SSH1: variants seen among roughly 807,000 people sequenced by gnomAD.
SSH1 encodes the protein protein phosphatase Slingshot homolog 1.
Under a neutral mutation model 79.7 loss-of-function variants are expected in SSH1, and 43 were observed. The ratio of observed to expected loss-of-function variants is 0.54; its 90% CI spans 0.42 to 0.70. The LOEUF is 0.70. SSH1 is among the 30% of genes least tolerant of loss of function. SSH1 has a pLI of 0.00. For synonymous variants in SSH1, 599 were observed against 538.3 expected (o/e 1.11, Z -1.56); for missense variants, 1,206 against 1,358.8 (o/e 0.89, Z 1.77).
In SSH1 at chr12:108,852,664, G is replaced by A. The variant is rs772675001; in HGVS notation, c.84C>T (p.Ser28=). The change falls in exon 2 of 15, where the codon AGC becomes AGT. Residue 28 remains serine (S), a synonymous_variant. Transcript: ENST00000326495. ...TGAGGTTTAATTTTCGATCTTCTTC[G>A]CTGCCAGCCTCCAACTACAGAGAAA... ...SASNSELEAG[S]EEDRKLNLSL... The A allele has an allele frequency of 1.4e-5, 22 of 1,613,958 alleles. No homozygotes were observed. Among genetic ancestry groups the A allele is most frequent in the South Asian group, 9.9e-5 (9 of 91,084 alleles).
intron 13 of SSH1, among the ~76,000 whole-genome samples, chr12:108,795,101 T>G (rs1273129369): frequency 1.3e-5 from 2 of 152,164 alleles, no homozygotes; most frequent in African/African-American, 4.8e-5. Flanking sequence ...CAAAATTATC[T>G]TCAGAGAAAG....
chr12:108,854,612 CATT>C (rs2039107933), intron 1 of SSH1, among the ~76,000 whole-genome samples: 1 of 152,192 alleles, frequency 6.6e-6, no homozygotes, highest in Non-Finnish European at 1.5e-5. Context: ...GTGTCTGACT[CATT>C]ATGAAGTTGC....
intron 3 of SSH1, among the ~76,000 whole-genome samples, chr12:108,819,635 T>C (rs2038040913): frequency 6.6e-6 from 1 of 151,900 alleles, no homozygotes; most frequent in African/African-American, 2.4e-5. Context: ...TCAAGACCAG[T>C]CTGGGCAACA....
chr12:108,810,750 G>T (rs1319980352), intron 6 of SSH1, among the ~76,000 whole-genome samples: 1 of 152,362 alleles, frequency 6.6e-6, no homozygotes, highest in East Asian at 1.9e-4. Context: ...AACGCGTGCG[G>T]ACGCTAGACG....
In SSH1 at chr12:108,787,152, A is replaced by G. The variant is rs2036300165; in HGVS notation, c.*836T>C. The G allele has an allele frequency of 6.6e-6, 1 of 152,164 alleles. No homozygotes were observed. The highest frequency in any genetic ancestry group is 2.1e-4 in the South Asian group (1 of 4,822). The allele number at this position is 152,164 out of a possible 1,614,324, so 9.4% of individuals were successfully genotyped here. ...GACACTTGAGCAATTTCAAACCTAA[A>G]CACAATCATGTGTTTCAGCAGCAGA... On this transcript the variant is annotated 3_prime_UTR_variant, in exon 15 of 15. Coordinates refer to ENST00000326495, the MANE Select transcript of SSH1 (RefSeq NM_018984.4).
intron 6 of SSH1, 46 bp downstream of exon 6, chr12:108,811,214 T>C (rs749497731): frequency 2.5e-6 from 4 of 1,575,038 alleles, no homozygotes; most frequent in South Asian, 2.2e-5. Context: ...GTGTTTTCAA[T>C]GCCTACTACA....
intron 2 of SSH1, among the ~76,000 whole-genome samples, chr12:108,835,836 ATAAT>A (rs1593114047): frequency 6.9e-6 from 1 of 145,868 alleles, no homozygotes; most frequent in Admixed American, 6.9e-5. Flanking sequence ...ATTAATATTT[ATAAT>A]TAATATATTT....
chr12:108,853,954 CT>C (rs1819455421), intron 1 of SSH1, among the ~76,000 whole-genome samples: 1 of 151,272 alleles, frequency 6.6e-6, no homozygotes, highest in Non-Finnish European at 1.5e-5. Flanking sequence ...ACCAGAGGGC[CT>C]GGGAGTCCCT....
chr12:108,802,239 C>T, intron 11 of SSH1, 83 bp downstream of exon 11: 2 of 1,337,620 alleles, frequency 1.5e-6, no homozygotes, highest in Non-Finnish European at 2.1e-6. Context: ...GGCAGGCAGC[C>T]CCAAGGTCTC....
chr12:108,811,754 G>A (rs778662517), intron 5 of SSH1: 35 of 269,932 alleles, frequency 1.3e-4, no homozygotes, highest in Non-Finnish European at 2.0e-4. Context: ...TGCGCCTTTA[G>A]TGTGGCTGCG....
chr12:108,806,252 T>C (rs1217107286), intron 9 of SSH1, 49 bp downstream of exon 9: 6 of 1,540,586 alleles, frequency 3.9e-6, no homozygotes, highest in South Asian at 1.1e-5. Context: ...GCAGGACACA[T>C]GGAGGCTGCA....
chr12:108,792,501 C>T lies in SSH1; in HGVS notation c.1678G>A (p.Gly560Ser). 1 of 1,614,220 alleles carries T rather than the reference C, an allele frequency of 6.2e-7. No homozygotes were observed. Among genetic ancestry groups the T allele is most frequent in the East Asian group, 2.2e-5 (1 of 44,886 alleles). Residue 560 changes from glycine (G) to serine (S), a missense_variant, in exon 14 of 15, where the codon GGT becomes AGT. Gly to Ser is a moderately conservative substitution (Grantham distance 56). Transcript: ENST00000326495. ...VHRPARQPQQGSGLCEKDVKK... is the reference protein window; with the variant it reads ...VHRPARQPQQSSGLCEKDVKK... ...ACATCCTTCTCACAGAGTCCGGAAC[C>T]TTGCTGGGGCTGTCTGGCCGGCCTG...
At chr12:108,802,253 C>T (rs1373280973) in intron 11 of SSH1, 69 bp downstream of exon 11, 30 of 1,482,182 alleles carry the variant, frequency 2.0e-5, no homozygotes, top group Non-Finnish European at 2.8e-5. Flanking sequence ...AGGTCTCCCC[C>T]TCCATGGCAG....
intron 2 of SSH1, among the ~76,000 whole-genome samples, chr12:108,839,848 G>A (rs1042896055): frequency 1.3e-5 from 2 of 152,142 alleles, no homozygotes; most frequent in Non-Finnish European, 2.9e-5. Context: ...GGGAACAAGT[G>A]CGGCAGGAAG....
Position 108,811,279 on chromosome 12 carries a change from T to C in SSH1, c.451A>G (p.Ile151Val). Reference protein sequence around the residue: ...MVLRLWSDTKIHLDGDGGFSV... With the variant: ...MVLRLWSDTKVHLDGDGGFSV... Reference sequence around the variant, plus strand: ...CCTTACCCATCTCCATCAAGGTGGATTTTCGTGTCGCTCCACAGTCGGAGA... The same window carrying C: ...CCTTACCCATCTCCATCAAGGTGGACTTTCGTGTCGCTCCACAGTCGGAGA... Residue 151 changes from isoleucine to valine, a missense_variant, in exon 6 of 15, where the codon ATC becomes GTC. Coordinates refer to ENST00000326495, the MANE Select transcript of SSH1 (RefSeq NM_018984.4). 1 of 1,614,122 alleles carries C rather than the reference T, an allele frequency of 6.2e-7. No homozygotes were observed. The highest frequency in any genetic ancestry group is 8.5e-7 in the Non-Finnish European group (1 of 1,180,006).
intron 2 of SSH1, among the ~76,000 whole-genome samples, chr12:108,840,064 G>GT (rs1593120869): frequency 6.6e-6 from 1 of 152,194 alleles, no homozygotes; most frequent in East Asian, 1.9e-4. Context: ...CTCCCGGCAT[G>GT]TCCTCATTTA....
Position 108,788,703 on chromosome 12 carries a change from G to A in SSH1, c.2435C>T (p.Ser812Phe). The change falls in exon 15 of 15, where the codon TCC becomes TTC. Residue 812 changes from serine (S) to phenylalanine (F), a missense_variant. Coordinates refer to ENST00000326495, the MANE Select transcript of SSH1 (RefSeq NM_018984.4). ...TNSYLMQHQE[S>F]IIQLQKAGLV... is the part of the protein sequence containing the mutation. Reference sequence around the variant, plus strand: ...GCCTGCCTTCTGCAGCTGAATGATGGACTCCTGGTGCTGCATCAGGTAGCT... The same window carrying A: ...GCCTGCCTTCTGCAGCTGAATGATGAACTCCTGGTGCTGCATCAGGTAGCT... 2.5e-6 allele frequency: 4 copies of A among 1,614,198 alleles called. No homozygotes were observed. The highest frequency in any genetic ancestry group is 3.4e-6 in the Non-Finnish European group (4 of 1,180,048).
chr12:108,832,256 C>T lies in SSH1; in HGVS notation c.111-8895G>A, dbSNP rs146106244. Reference sequence around the variant, plus strand: ...AGGTTGCAGTGAGCCAAGATTGTACCGCTGCACTCCAGCCTGGGAGACAGA... The same window carrying T: ...AGGTTGCAGTGAGCCAAGATTGTACTGCTGCACTCCAGCCTGGGAGACAGA... On this transcript the variant is annotated intron_variant, in intron 2 of 14. Coordinates refer to ENST00000326495, the MANE Select transcript of SSH1 (RefSeq NM_018984.4). Among the ~76,000 whole-genome samples the T allele has an allele frequency of 9.0e-3, 1,371 of 151,972 alleles. 23 individuals carry two copies. The highest frequency in any genetic ancestry group is 0.032 in the African/African-American group (1,309 of 41,424).
At chr12:108,802,152 G>A (rs549811170) in intron 11 of SSH1, among the ~76,000 whole-genome samples, 170 bp downstream of exon 11, 22 of 152,324 alleles carry the variant, frequency 1.4e-4, no homozygotes, top group Non-Finnish European at 2.1e-4. Flanking sequence ...AGGGCGTGGT[G>A]TTTGGAAGCA....
Sources: gnomAD v4.1 joint callset for allele counts (sites outside exome capture counted in the v4.1 genomes callset) on GRCh38, gnomAD v4.1.1 for gene constraint, MANE v1.5 for transcripts, NCBI Gene and HGNC (gene_info 2026-07-23, HGNC 2026-07-21) for gene names.